Variants in PCDH15 observed in about 807,000 individuals in gnomAD.
PCDH15 encodes protocadherin related 15.
In PCDH15, 129 loss-of-function variants were observed where a neutral mutation model predicts 178.5. The ratio of observed to expected loss-of-function variants is 0.72; its 90% CI spans 0.63 to 0.84. PCDH15 has a LOEUF of 0.84. Ranked by LOEUF, PCDH15 falls within the 40% of genes least tolerant of loss-of-function variation. PCDH15 has a pLI of 0.00. For missense variants in PCDH15, 2,230 were observed against 2,099.9 expected, an observed-to-expected ratio of 1.06 and a Z score of -1.21; for synonymous variants, 800 against 732.0, an observed-to-expected ratio of 1.09 and a Z score of -1.50.
chr10:55,525,995 G>C (rs1260613447), intron 2 of PCDH15, among the ~76,000 whole-genome samples: 1 of 151,898 alleles, frequency 6.6e-6, no homozygotes, highest in South Asian at 2.1e-4. Flanking sequence ...ATTGAGAGTT[G>C]TCAGGATCAA....
intron 28 of PCDH15, among the ~76,000 whole-genome samples, chr10:53,842,296 G>A (rs1049354476): frequency 4.6e-5 from 7 of 151,998 alleles, no homozygotes; most frequent in Admixed American, 6.6e-5. Context: ...TCATTCTGTC[G>A]CCCAGGCTGG....
At chr10:54,695,422 G>A (rs536993139) in intron 1 of PCDH15, among the ~76,000 whole-genome samples, 1 of 152,144 alleles carries the variant, frequency 6.6e-6, no homozygotes, top group East Asian at 1.9e-4. Flanking sequence ...TTTAATGAAA[G>A]AAGTCATCTC....
intron 1 of PCDH15, among the ~76,000 whole-genome samples, chr10:55,238,970 T>C (rs757017657): frequency 1.3e-4 from 20 of 152,138 alleles, no homozygotes; most frequent in Non-Finnish European, 2.8e-4. Flanking sequence ...ATTTTTTACT[T>C]ATTAACCATT....
chr10:55,033,451 T>C (rs1840659789), intron 2 of PCDH15, among the ~76,000 whole-genome samples: 2 of 152,152 alleles, frequency 1.3e-5, no homozygotes, highest in South Asian at 4.1e-4. Context: ...TGTTCACATG[T>C]GGTTTGCCTC....
At chr10:54,062,532 C>G (rs1055054133) in intron 18 of PCDH15, among the ~76,000 whole-genome samples, 1 of 152,018 alleles carries the variant, frequency 6.6e-6, no homozygotes, top group Non-Finnish European at 1.5e-5. Flanking sequence ...ATAAACATTA[C>G]ACTGTGCAGA....
In PCDH15 at chr10:55,431,943, C is replaced by T. The variant is rs534074849; in HGVS notation, c.-156+195682G>A. 4.5e-4 allele frequency among the ~76,000 whole-genome samples: 69 copies of T among 152,152 alleles called. No individual in the cohort carries two copies. The South Asian group carries it at 7.1e-3, about 16-fold the overall frequency. On this transcript the variant is annotated intron_variant, in intron 2 of 5. Transcript: ENST00000613346. ...TCTTATATATATTGCTCCCAACAAA[C>T]GCTTATCTAAGCTCTAGGGAGATTG...
At chr10:54,433,811 A>C (rs2075184354) in intron 3 of PCDH15, among the ~76,000 whole-genome samples, 1 of 152,172 alleles carries the variant, frequency 6.6e-6, no homozygotes, top group Admixed American at 6.5e-5. Context: ...ATACCCCATA[A>C]ATATATACAC....
At chr10:54,161,023 A>G (rs1265329810) in intron 13 of PCDH15, among the ~76,000 whole-genome samples, 1 of 152,194 alleles carries the variant, frequency 6.6e-6, no homozygotes, top group Non-Finnish European at 1.5e-5. Context: ...ATATCTATAT[A>G]TAACAAACAG....
chr10:55,079,597 T>C (rs1170639779), intron 2 of PCDH15, among the ~76,000 whole-genome samples: 1 of 152,136 alleles, frequency 6.6e-6, no homozygotes, highest in African/African-American at 2.4e-5. Context: ...CTTCCTCAGA[T>C]GCCAGTAGTG....
chr10:55,345,861 A>G (rs565826398), intron 2 of PCDH15, among the ~76,000 whole-genome samples: 2 of 152,152 alleles, frequency 1.3e-5, no homozygotes, highest in East Asian at 3.9e-4. Context: ...TAGTTTTGTT[A>G]TTAGTAACAG....
At chr10:55,030,960 G>GA (rs374091860) in intron 2 of PCDH15, among the ~76,000 whole-genome samples, 5 of 151,152 alleles carry the variant, frequency 3.3e-5, no homozygotes, top group South Asian at 2.1e-4. Context: ...AAGAGAATTA[G>GA]AAAAAAACTA....
At chr10:55,199,690 G>T (rs998494477) in intron 1 of PCDH15, among the ~76,000 whole-genome samples, 1 of 152,110 alleles carries the variant, frequency 6.6e-6, no homozygotes, top group African/African-American at 2.4e-5. Context: ...ACCTAGGAGA[G>T]AAAATGGTTT....
intron 2 of PCDH15, among the ~76,000 whole-genome samples, chr10:55,045,051 T>C (rs1327825099): frequency 2.6e-5 from 4 of 152,112 alleles, no homozygotes; most frequent in Non-Finnish European, 5.9e-5. Context: ...TGATACATTT[T>C]TACAAAATCT....
chr10:55,561,637 C>A (rs1842203121), intron 2 of PCDH15, among the ~76,000 whole-genome samples: 1 of 151,798 alleles, frequency 6.6e-6, no homozygotes, highest in Admixed American at 6.6e-5. Context: ...GAGAGTACCA[C>A]ATGTTTGCCT....
intron 2 of PCDH15, among the ~76,000 whole-genome samples, chr10:55,457,517 A>G (rs1839580169): frequency 6.6e-6 from 1 of 152,046 alleles, no homozygotes; most frequent in Admixed American, 6.6e-5. Flanking sequence ...TTTTAGAATT[A>G]AAACCTACTC....
chr10:54,848,982 T>C (rs1953562170), intron 3 of PCDH15, among the ~76,000 whole-genome samples: 1 of 152,192 alleles, frequency 6.6e-6, no homozygotes. Flanking sequence ...ATGCCATTGA[T>C]ATGGCCGAAC....
chr10:54,135,502 G>A (rs1377807039), intron 14 of PCDH15, among the ~76,000 whole-genome samples: 3 of 152,144 alleles, frequency 2.0e-5, no homozygotes, highest in Admixed American at 2.0e-4. Flanking sequence ...CGTGTTGTGA[G>A]AACAAAAGAA....
At chr10:55,130,633 G>T (rs146552028) in intron 2 of PCDH15, among the ~76,000 whole-genome samples, 383 of 151,386 alleles carry the variant, frequency 2.5e-3, no homozygotes, top group Middle Eastern at 0.017. Flanking sequence ...CCCTTTGTTT[G>T]TTACTTACTT....
At chr10:53,890,211 A>T (rs1391708646) in intron 26 of PCDH15, among the ~76,000 whole-genome samples, 2 of 152,208 alleles carry the variant, frequency 1.3e-5, no homozygotes, top group Admixed American at 6.5e-5. Context: ...GCGGATCACA[A>T]GGTCAGGAGA....
Sources: gnomAD v4.1 joint callset for allele counts (sites outside exome capture counted in the v4.1 genomes callset) on GRCh38, gnomAD v4.1.1 for gene constraint, MANE v1.5 for transcripts, NCBI Gene and HGNC (gene_info 2026-07-23, HGNC 2026-07-21) for gene names.